The following KLHDC1 variants were observed in gnomAD, a reference collection of about 807,000 sequenced individuals.
The protein encoded by KLHDC1 is kelch domain containing 1.
Under a neutral mutation model 68.3 loss-of-function variants are expected in KLHDC1, and 53 were observed. The ratio of observed to expected loss-of-function variants is 0.78; its 90% confidence interval spans 0.62 to 0.98. KLHDC1 has a LOEUF of 0.98. KLHDC1 is among the 50% of genes least tolerant of loss of function. The pLI is 0.00. For missense variants in KLHDC1, 470 were observed against 492.3 expected (o/e 0.95, Z 0.43); for synonymous variants, 148 against 159.0 (o/e 0.93, Z 0.52).
intron 1 of KLHDC1, among the ~76,000 whole-genome samples, chr14:49,695,685 T>C (rs1159418680): frequency 6.6e-6 from 1 of 152,202 alleles, no homozygotes; most frequent in Non-Finnish European, 1.5e-5. Context: ...AGCTGGTCCT[T>C]TGAAATTGGA....
intron 6 of KLHDC1, among the ~76,000 whole-genome samples, chr14:49,726,664 A>G (rs1349598288): frequency 2.0e-5 from 3 of 152,236 alleles, no homozygotes; most frequent in Non-Finnish European, 4.4e-5. Flanking sequence ...ACCAAACACA[A>G]ATTCAAATTA....
chr14:49,715,510 G>A (rs1223529762), intron 4 of KLHDC1, among the ~76,000 whole-genome samples: 4 of 151,156 alleles, frequency 2.6e-5, no homozygotes, highest in South Asian at 4.2e-4. Flanking sequence ...ACTTTGGGAG[G>A]CCAAGGCGGG....
intron 9 of KLHDC1, among the ~76,000 whole-genome samples, chr14:49,733,515 C>A (rs994789533): frequency 6.6e-6 from 1 of 151,226 alleles, no homozygotes; most frequent in Non-Finnish European, 1.5e-5. Flanking sequence ...GCAACCTCCA[C>A]CTCCCGGGTT....
intron 4 of KLHDC1, among the ~76,000 whole-genome samples, chr14:49,721,249 G>A (rs1888517289): frequency 6.6e-6 from 1 of 152,148 alleles, no homozygotes; most frequent in Middle Eastern, 3.4e-3. Flanking sequence ...TCATAACTCA[G>A]TACAACCTTG....
intron 4 of KLHDC1, among the ~76,000 whole-genome samples, chr14:49,719,211 G>A (rs1185939988): frequency 6.6e-6 from 1 of 151,796 alleles, no homozygotes; most frequent in African/African-American, 2.4e-5. Context: ...TTATGTTATG[G>A]ATTTGAGATT....
At chr14:49,711,492 T>G (rs1888199198) in intron 4 of KLHDC1, among the ~76,000 whole-genome samples, 1 of 152,070 alleles carries the variant, frequency 6.6e-6, no homozygotes, top group Non-Finnish European at 1.5e-5. Context: ...CGTGAGCCAC[T>G]GCACCTGGCC....
chr14:49,748,713 C>T (rs1183810184), intron 12 of KLHDC1, among the ~76,000 whole-genome samples: 8 of 151,230 alleles, frequency 5.3e-5, no homozygotes, highest in South Asian at 2.1e-4. Flanking sequence ...TATGAGCCAT[C>T]GTAGGGGGTA....
intron 12 of KLHDC1, among the ~76,000 whole-genome samples, chr14:49,744,818 T>C (rs909919177): frequency 6.6e-6 from 1 of 152,212 alleles, no homozygotes; most frequent in Non-Finnish European, 1.5e-5. Flanking sequence ...AGGAGGAACT[T>C]ACAGATACAG....
chr14:49,732,277 A>G (rs577242556), intron 8 of KLHDC1, among the ~76,000 whole-genome samples: 6 of 152,096 alleles, frequency 3.9e-5, no homozygotes, highest in East Asian at 1.9e-4. Context: ...GGTTCAAGCA[A>G]TTCTCCTGCC....
intron 4 of KLHDC1, among the ~76,000 whole-genome samples, chr14:49,716,952 T>G (rs1331689224): frequency 6.6e-6 from 1 of 152,252 alleles, no homozygotes; most frequent in Non-Finnish European, 1.5e-5. Flanking sequence ...AATAGGTATT[T>G]CATAAAAATT....
intron 1 of KLHDC1, among the ~76,000 whole-genome samples, chr14:49,704,387 G>GTTTTTTTTTTTTTTTTTTT (rs35067251): frequency 5.8e-5 from 4 of 68,690 alleles, no homozygotes; most frequent in East Asian, 4.6e-4. Context: ...TTCCTTTTCT[G>GTTTTTTTTTTTTTTTTTTT]TTTTTTTTTT....
intron 11 of KLHDC1, among the ~76,000 whole-genome samples, chr14:49,741,349 A>G (rs996659414): frequency 6.7e-6 from 1 of 150,354 alleles, no homozygotes; most frequent in African/African-American, 2.4e-5. Context: ...GCTGTTACCC[A>G]GGCTGGAGTG....
At chr14:49,698,925 G>A (rs569494767) in intron 1 of KLHDC1, among the ~76,000 whole-genome samples, 1 of 151,992 alleles carries the variant, frequency 6.6e-6, no homozygotes, top group Admixed American at 6.5e-5. Context: ...CAGCACTTTG[G>A]AGGCCGAGGC....
chr14:49,720,301 T>C (rs897941765), intron 4 of KLHDC1, among the ~76,000 whole-genome samples: 43 of 152,182 alleles, frequency 2.8e-4, no homozygotes, highest in African/African-American at 1.0e-3. Context: ...AAATTTTTTG[T>C]AGGGATGGGG....
At chr14:49,741,023 G>A (rs963894629) in intron 11 of KLHDC1, among the ~76,000 whole-genome samples, 1 of 152,080 alleles carries the variant, frequency 6.6e-6, no homozygotes, top group African/African-American at 2.4e-5. Context: ...GAACCCAGGA[G>A]GTGGAGGTTG....
chr14:49,726,847 T>C (rs1888682732), intron 6 of KLHDC1, among the ~76,000 whole-genome samples: 1 of 152,236 alleles, frequency 6.6e-6, no homozygotes, highest in Non-Finnish European at 1.5e-5. Context: ...TGTGTGCTTG[T>C]TTCATTCCGT....
intron 12 of KLHDC1, among the ~76,000 whole-genome samples, chr14:49,746,983 T>C (rs1158043874): frequency 6.6e-6 from 1 of 151,106 alleles, no homozygotes; most frequent in Admixed American, 6.6e-5. Context: ...GGAGTCTCAT[T>C]CTCACCCAGG....
At chr14:49,737,972 G>T (rs1816677808) in intron 10 of KLHDC1, among the ~76,000 whole-genome samples, 2 of 151,350 alleles carry the variant, frequency 1.3e-5, no homozygotes, top group South Asian at 4.2e-4. Flanking sequence ...ATTTTTTTGA[G>T]AGTTCTCTTA....
chr14:49,699,119 G>A (rs574648418), intron 1 of KLHDC1, among the ~76,000 whole-genome samples: 2 of 146,866 alleles, frequency 1.4e-5, no homozygotes, highest in African/African-American at 2.5e-5. Context: ...AACCGAGATC[G>A]TGCCACCGCA....
Sources: allele counts gnomAD v4.1 joint callset (sites outside exome capture counted in the v4.1 genomes callset), GRCh38; gene constraint gnomAD v4.1.1; transcripts MANE v1.5; gene names NCBI Gene and HGNC (gene_info 2026-07-23, HGNC 2026-07-21).